Variants in NALF1 observed in about 807,000 individuals in gnomAD.
NALF1 encodes the protein family with sequence similarity 155 member A.
Under a neutral mutation model 48.4 loss-of-function variants are expected in NALF1, and 3 were observed. The ratio of observed to expected loss-of-function variants is 0.06; its 90% CI spans 0.03 to 0.16. The LOEUF (loss-of-function observed/expected upper bound fraction) is 0.16, where lower values mean the gene tolerates loss of function less well. Among genes scored for constraint, NALF1 ranks in the 10% least tolerant of loss-of-function variants. The pLI, the probability that NALF1 is intolerant of heterozygous loss-of-function variation, is 1.00. For synonymous variants in NALF1, 262 were observed against 245.7 expected, an observed-to-expected ratio of 1.07 and a Z score of -0.62; for missense variants, 526 against 571.5, an observed-to-expected ratio of 0.92 and a Z score of 0.81.
chr13:107,729,634 G>A (rs1038854983), intron 1 of NALF1, among the ~76,000 whole-genome samples: 16 of 151,858 alleles, frequency 1.1e-4, no homozygotes, highest in Admixed American at 1.3e-4. Context: ...CCACCACCAC[G>A]CCCAGCTAAT....
intron 1 of NALF1, among the ~76,000 whole-genome samples, chr13:107,522,334 G>A (rs1221594620): frequency 2.0e-5 from 3 of 151,704 alleles, no homozygotes; most frequent in East Asian, 1.9e-4. Context: ...CCATATAGAC[G>A]GCTCATCTTA....
intron 1 of NALF1, among the ~76,000 whole-genome samples, chr13:107,427,926 T>C (rs1290257959): frequency 6.6e-6 from 1 of 152,230 alleles, no homozygotes; most frequent in African/African-American, 2.4e-5. Context: ...CAAGCATGTA[T>C]TTAACTTGAA....
chr13:107,335,036 T>C (rs1401466696), intron 1 of NALF1, among the ~76,000 whole-genome samples: 1 of 152,140 alleles, frequency 6.6e-6, no homozygotes, highest in Non-Finnish European at 1.5e-5. Flanking sequence ...TAAAGACCTC[T>C]GAAGTCTTCG....
At chr13:107,291,304 T>G (rs960228851) in intron 1 of NALF1, among the ~76,000 whole-genome samples, 1 of 151,976 alleles carries the variant, frequency 6.6e-6, no homozygotes, top group African/African-American at 2.4e-5. Flanking sequence ...TAACATAGGT[T>G]GAGCATCCCT....
intron 1 of NALF1, among the ~76,000 whole-genome samples, chr13:107,720,749 C>T (rs966536238): frequency 6.6e-6 from 1 of 152,036 alleles, no homozygotes; most frequent in African/African-American, 2.4e-5. Flanking sequence ...AGTTCTAATC[C>T]ACGTCCTTTT....
chr13:107,828,289 C>T (rs566583471), intron 1 of NALF1, among the ~76,000 whole-genome samples: 38 of 152,240 alleles, frequency 2.5e-4, no homozygotes, highest in Admixed American at 5.9e-4. Context: ...CACGTTACTG[C>T]GTGTGGTTCT....
At chr13:107,281,988 T>A (rs756554758) in intron 1 of NALF1, among the ~76,000 whole-genome samples, 1 of 152,272 alleles carries the variant, frequency 6.6e-6, no homozygotes, top group Non-Finnish European at 1.5e-5. Context: ...TAATTCAAGA[T>A]GAGATTTTGG....
chr13:107,366,750 C>T (rs926379723), intron 1 of NALF1, among the ~76,000 whole-genome samples: 1 of 152,190 alleles, frequency 6.6e-6, no homozygotes, highest in Non-Finnish European at 1.5e-5. Context: ...GTCCGACATC[C>T]CATGTTGTCA....
intron 1 of NALF1, among the ~76,000 whole-genome samples, chr13:107,631,835 T>G (rs1218899425): frequency 6.6e-6 from 1 of 152,144 alleles, no homozygotes; most frequent in East Asian, 1.9e-4. Flanking sequence ...TGAGTACCTT[T>G]TTATTTTTCA....
chr13:107,406,698 C>A (rs1293909078), intron 1 of NALF1, among the ~76,000 whole-genome samples: 1 of 151,644 alleles, frequency 6.6e-6, no homozygotes, highest in African/African-American at 2.4e-5. Flanking sequence ...TATATGGAAC[C>A]ATCTCTATTC....
intron 1 of NALF1, among the ~76,000 whole-genome samples, chr13:107,655,025 A>G (rs1880540353): frequency 6.6e-6 from 1 of 152,162 alleles, no homozygotes. Context: ...ATCTACGACA[A>G]ACCCACAGCC....
intron 1 of NALF1, among the ~76,000 whole-genome samples, chr13:107,797,382 C>T (rs1344724204): frequency 2.6e-5 from 4 of 151,348 alleles, no homozygotes; most frequent in Non-Finnish European, 4.4e-5. Flanking sequence ...ATTTTTTTTT[C>T]GTATTTTTAG....
intron 1 of NALF1, among the ~76,000 whole-genome samples, chr13:107,493,948 C>A (rs771689944): frequency 1.3e-5 from 2 of 151,982 alleles, no homozygotes; most frequent in Non-Finnish European, 2.9e-5. Flanking sequence ...ACACATATAT[C>A]CATTAGAGAA....
At chr13:107,475,792 T>C (rs1885168944) in intron 1 of NALF1, among the ~76,000 whole-genome samples, 1 of 152,170 alleles carries the variant, frequency 6.6e-6, no homozygotes, top group Admixed American at 6.6e-5. Context: ...TATTTCCTCA[T>C]ATAAACTATT....
At chr13:107,254,062 A>AAAAAAAAATATATATATATATATAT in intron 1 of NALF1, among the ~76,000 whole-genome samples, 10 of 138,580 alleles carry the variant, frequency 7.2e-5, no homozygotes, top group African/African-American at 2.7e-4. Context: ...CAAGTACTAA[A>AAAAAAAAATATATATATATATATAT]ATATATATAT....
At chr13:107,590,551 A>G (rs147867679) in intron 1 of NALF1, among the ~76,000 whole-genome samples, 53 of 152,112 alleles carry the variant, frequency 3.5e-4, no homozygotes, top group African/African-American at 1.2e-3. Flanking sequence ...AATGTTTTGT[A>G]TATTTGGTGA....
At chr13:107,654,809 T>C (rs908989078) in intron 1 of NALF1, among the ~76,000 whole-genome samples, 7 of 152,096 alleles carry the variant, frequency 4.6e-5, no homozygotes, top group African/African-American at 1.7e-4. Context: ...CAAGATCAAG[T>C]AGGTTTCATA....
At chr13:107,246,253 C>G (rs1029822341) in intron 1 of NALF1, among the ~76,000 whole-genome samples, 2 of 152,082 alleles carry the variant, frequency 1.3e-5, no homozygotes, top group African/African-American at 4.8e-5. Flanking sequence ...CCTTCAAGGC[C>G]CAGCTCCTTT....
At chr13:107,270,748 T>G (rs1237798677) in intron 1 of NALF1, among the ~76,000 whole-genome samples, 1 of 151,986 alleles carries the variant, frequency 6.6e-6, no homozygotes, top group Non-Finnish European at 1.5e-5. Flanking sequence ...TGTGCCATGT[T>G]GGTGTGCTGC....
Sources: gnomAD v4.1 joint callset for allele counts (sites outside exome capture counted in the v4.1 genomes callset) on GRCh38, gnomAD v4.1.1 for gene constraint, MANE v1.5 for transcripts, NCBI Gene and HGNC (gene_info 2026-07-23, HGNC 2026-07-21) for gene names.